TAF8: variants seen among roughly 807,000 people sequenced by gnomAD.
TAF8 encodes TATA-box binding protein associated factor 8.
A neutral mutation model predicts 36.5 loss-of-function variants in TAF8; 47 were observed. The observed-to-expected ratio is 1.29, with a 90% CI of 1.02 to 1.64. The LOEUF (loss-of-function observed/expected upper bound fraction) is 1.64. Among genes scored for constraint, TAF8 ranks in the 40% most tolerant of loss-of-function variants. The pLI, the probability that TAF8 is intolerant of heterozygous loss-of-function variation, is 0.00. For missense variants in TAF8, 420 were observed against 407.6 expected, an observed-to-expected ratio of 1.03 and a Z score of -0.26; for synonymous variants, 175 against 159.5, an observed-to-expected ratio of 1.10 and a Z score of -0.73.
intron 6 of TAF8, among the ~76,000 whole-genome samples, chr6:42,067,670 T>C (rs542443607): frequency 6.6e-6 from 1 of 152,292 alleles, no homozygotes; most frequent in South Asian, 2.1e-4. Context: ...TGGACTCAAA[T>C]GAGTCTCCCA....
chr6:42,080,789 T>G lies in TAF8; in HGVS notation c.*3244T>G. ...AAAATTCTCAATGTGTATTTATAAA[T>G]TTCTATTTTTTATAACTTTATGGGA... is the stretch of plus-strand genomic sequence containing the variant. On this transcript the variant is annotated 3_prime_UTR_variant, in exon 9 of 9. Coordinates refer to ENST00000372977, the MANE Select transcript of TAF8 (RefSeq NM_138572.3). 2 of 979,730 alleles carry G rather than the reference T, an allele frequency of 2.0e-6. No individual in the cohort carries two copies. Among genetic ancestry groups the G allele is most frequent in the Non-Finnish European group, 2.4e-6 (2 of 824,720 alleles). 60.7% of individuals were successfully genotyped at this position (979,730 alleles called of 1,614,324 possible).
intron 7 of TAF8, 99 bp from the exon 8 acceptor site, chr6:42,077,001 A>G (rs1765769322): frequency 7.0e-7 from 1 of 1,424,664 alleles, no homozygotes; most frequent in African/African-American, 1.4e-5. Flanking sequence ...CCAGGTTCTA[A>G]TTTCTCAATT....
chr6:42,051,630 A>G (rs1764793793), intron 2 of TAF8, 117 bp downstream of exon 2: 3 of 1,313,782 alleles, frequency 2.3e-6, no homozygotes, highest in East Asian at 4.9e-5. Flanking sequence ...GAGGGGAGAA[A>G]AAAAATTTTT....
intron 5 of TAF8, among the ~76,000 whole-genome samples, chr6:42,059,897 G>T (rs1339635957): frequency 6.6e-6 from 1 of 152,156 alleles, no homozygotes. Flanking sequence ...AGGCTGTGAA[G>T]ATGGGAAAAG....
chr6:42,062,062 T>C (rs1765209798), intron 5 of TAF8, among the ~76,000 whole-genome samples: 1 of 152,102 alleles, frequency 6.6e-6, no homozygotes, highest in Admixed American at 6.5e-5. Context: ...CTCTTTTTTT[T>C]CCCTGCCATT....
At chr6:42,071,804 G>A (rs66472208) in intron 7 of TAF8, among the ~76,000 whole-genome samples, 45,428 of 151,922 alleles carry the variant, frequency 0.3, 8,389 homozygotes, top group Admixed American at 0.41. Context: ...GAGGAATCAT[G>A]TAAACAAACG....
In TAF8 at chr6:42,081,043, A is replaced by G. The variant is rs1016785604; in HGVS notation, c.*3498A>G. Reference sequence around the variant, plus strand: ...TTTTATTTTGGAAATTTTCAAATACAAAATTAGAGAGCAAAATATATGAAC... The same window carrying G: ...TTTTATTTTGGAAATTTTCAAATACGAAATTAGAGAGCAAAATATATGAAC... On this transcript the variant is annotated 3_prime_UTR_variant, in exon 9 of 9. Coordinates refer to ENST00000372977, the MANE Select transcript of TAF8 (RefSeq NM_138572.3). 8 of 882,660 alleles carry G rather than the reference A, an allele frequency of 9.1e-6. No homozygotes were observed. Among genetic ancestry groups the G allele is most frequent in the Non-Finnish European group, 1.1e-5 (8 of 736,870 alleles). The allele number at this position is 882,660 out of a possible 1,614,324, so 54.7% of individuals were successfully genotyped here.
chr6:42,059,397 A>G (rs1395569338), intron 5 of TAF8, among the ~76,000 whole-genome samples: 2 of 152,000 alleles, frequency 1.3e-5, no homozygotes, highest in East Asian at 1.9e-4. Flanking sequence ...AAAAAAAAAA[A>G]AAAGAAATCA....
Position 42,066,450 on chromosome 6 carries a change from A to C in TAF8, c.628A>C (p.Thr210Pro). The change falls in exon 6 of 9, where the codon ACA becomes CCA. Residue 210 changes from threonine to proline, a missense_variant. Thr to Pro is a conservative substitution (Grantham distance 38, BLOSUM62 -1). Transcript: ENST00000372977. ...GAGTCTTTTCAAAGATGACGTCAGC[A>C]CATTTCCATGTGAGAGTTGCCCCAC... ...TQSLFKDDVS[T>P]FPLIAARPFT... The C allele has an allele frequency of 6.2e-7, 1 of 1,614,170 alleles. No homozygotes were observed. The highest frequency in any genetic ancestry group is 8.5e-7 in the Non-Finnish European group (1 of 1,180,000).
downstream of TAF8, among the ~76,000 whole-genome samples, chr6:42,084,811 CA>C (rs1180460019): frequency 6.6e-6 from 1 of 152,176 alleles, no homozygotes; most frequent in African/African-American, 2.4e-5. Context: ...GAAGAGGAAA[CA>C]GAGACTTAGA....
chr6:42,050,537 A>T lies in TAF8; in HGVS notation c.-5A>T. The T allele has an allele frequency of 1.3e-6, 2 of 1,553,956 alleles. No individual in the cohort carries two copies. Among genetic ancestry groups the T allele is most frequent in the Non-Finnish European group, 1.7e-6 (2 of 1,148,962 alleles). On this transcript the variant is annotated 5_prime_UTR_variant, in exon 1 of 9. Transcript: ENST00000372977. Reference sequence around the variant, plus strand: ...CCGCGCTCGCGCACACTACGCCAGAACAAGATGGCCGACGCGGCGGCCACA... The same window carrying T: ...CCGCGCTCGCGCACACTACGCCAGATCAAGATGGCCGACGCGGCGGCCACA...
At position 42,050,606 on chromosome 6, in the gene TAF8, G is replaced by T; in HGVS notation, c.45+20G>T. ...GGAACGGTAAGGGCAGGAAGCGCGG[G>T]CTCGGAGCCGAGAGAGTTTGGGTAT... On this transcript the variant is annotated intron_variant, in intron 1 of 8. Coordinates refer to ENST00000372977, the MANE Select transcript of TAF8 (RefSeq NM_138572.3). The T allele has an allele frequency of 6.5e-7, 1 of 1,543,044 alleles. No homozygotes were observed. The highest frequency in any genetic ancestry group is 8.7e-7 in the Non-Finnish European group (1 of 1,145,058).
downstream of TAF8, among the ~76,000 whole-genome samples, chr6:42,084,558 G>T (rs1446914276): frequency 6.6e-6 from 1 of 152,108 alleles, no homozygotes; most frequent in East Asian, 1.9e-4. Flanking sequence ...CGCCTCCTGG[G>T]TTCAAGCGAT....
intron 7 of TAF8, among the ~76,000 whole-genome samples, chr6:42,074,659 C>T (rs1765686316): frequency 6.6e-6 from 1 of 152,102 alleles, no homozygotes; most frequent in African/African-American, 2.4e-5. Flanking sequence ...CTCAGCCTCC[C>T]AAGTAGCTGG....
At chr6:42,076,602 C>T (rs904136711) in intron 7 of TAF8, among the ~76,000 whole-genome samples, 13 of 152,180 alleles carry the variant, frequency 8.5e-5, no homozygotes, top group African/African-American at 3.1e-4. Flanking sequence ...TTGTTGGTAC[C>T]ATGTTGCAAG....
Position 42,081,191 on chromosome 6 carries a change from G to GTA in TAF8, c.*3646_*3647insTA. ...CTGGAGTGTGTGTGTGTGTGTGTGT[G>GTA]CGTGTGTGTGCGTGTGAGACAGAGT... On this transcript the variant is annotated 3_prime_UTR_variant, in exon 9 of 9. Transcript: ENST00000372977. 1 of 80,256 alleles carries GTA rather than the reference G, an allele frequency of 1.2e-5. No individual in the cohort carries two copies. Among genetic ancestry groups the GTA allele is most frequent in the African/African-American group, 6.2e-5 (1 of 16,218 alleles). The allele number at this position is 80,256 out of a possible 1,614,324, so 5.0% of individuals were successfully genotyped here. A position where few individuals can be genotyped will look rare whatever the true frequency, so the allele number is the denominator to read the frequency against.
In TAF8 at chr6:42,078,603, T is replaced by C; in HGVS notation, c.*1058T>C. ...TGCATCACTGTGAAGAAGAACGACA[T>C]GTCGGGGCTGCACCTGTCCTCCCGT... On this transcript the variant is annotated 3_prime_UTR_variant, in exon 9 of 9. Transcript: ENST00000372977. 1 of 985,456 alleles carries C rather than the reference T, an allele frequency of 1.0e-6. No homozygotes were observed. Among genetic ancestry groups the C allele is most frequent in the African/African-American group, 1.7e-5 (1 of 57,356 alleles). 61.0% of individuals were successfully genotyped at this position (985,456 alleles called of 1,614,324 possible).
intron 4 of TAF8, 61 bp from the exon 5 acceptor site, chr6:42,057,328 C>A: frequency 1.9e-6 from 3 of 1,611,774 alleles, no homozygotes; most frequent in Admixed American, 3.3e-5. Flanking sequence ...TGGGGAGAGA[C>A]CATAATCTGT....
At position 42,051,427 on chromosome 6, in the gene TAF8, T is replaced by G. The variant is rs753576013; in HGVS notation, c.116T>G (p.Val39Gly). The change falls in exon 2 of 9, where the codon GTG (valine) becomes GGG (glycine). Residue 39 changes from valine (V) to glycine (G), a missense_variant. Transcript: ENST00000372977. ...CTGGCCCGGAGGAGAACCCTGCAGG[T>G]GGTTGTGAGCTCCTTGCTGACAGAG... ...YHLARRRTLQVVVSSLLTEAG... is the reference protein window; with the variant it reads ...YHLARRRTLQGVVSSLLTEAG... 3.2e-5 allele frequency: 52 copies of G among 1,613,578 alleles called. No homozygotes were observed. The highest frequency in any genetic ancestry group is 4.2e-5 in the Non-Finnish European group (50 of 1,179,914).
Sources: allele counts gnomAD v4.1 joint callset (sites outside exome capture counted in the v4.1 genomes callset), GRCh38; gene constraint gnomAD v4.1.1; transcripts MANE v1.5; gene names NCBI Gene and HGNC (gene_info 2026-07-23, HGNC 2026-07-21).